CREB5: variants seen among roughly 807,000 people sequenced by gnomAD.
CREB5 encodes cAMP responsive element binding protein 5.
A neutral mutation model predicts 57.1 loss-of-function variants in CREB5; 19 were observed. The ratio of observed to expected loss-of-function variants is 0.33; its 90% confidence interval spans 0.23 to 0.49. The LOEUF (loss-of-function observed/expected upper bound fraction) is 0.49, where lower values mean the gene tolerates loss of function less well. CREB5 is among the 20% of genes least tolerant of loss of function. The pLI is 0.99. For missense variants in CREB5, 579 were observed against 671.6 expected (o/e 0.86, Z 1.52); for synonymous variants, 238 against 238.3 (o/e 1.00, Z 0.01).
rs376707345 is a variant in CREB5 at position 28,492,531 on chromosome 7, C to G, written c.76-2375C>G. Among the ~76,000 whole-genome samples the G allele has an allele frequency of 6.6e-5, 10 of 151,966 alleles. No homozygotes were observed. In the East Asian group the frequency reaches 7.7e-4, roughly 12 times the overall value. On this transcript the variant is annotated intron_variant, in intron 2 of 10. Transcript: ENST00000357727. ...ATGTTCCTGCTGAATTAAAAAAAAT[C>G]ACGATGTCCTTTATTGTCTCACTTG...
At chr7:28,699,488 A>G (rs1046502950) in intron 5 of CREB5, among the ~76,000 whole-genome samples, 3 of 152,206 alleles carry the variant, frequency 2.0e-5, no homozygotes, top group Admixed American at 1.3e-4. Flanking sequence ...AATTTGTTGC[A>G]AAAGCAGTAC....
intron 3 of CREB5, among the ~76,000 whole-genome samples, chr7:28,499,719 G>A (rs1281805344): frequency 6.6e-6 from 1 of 152,178 alleles, no homozygotes; most frequent in East Asian, 1.9e-4. Context: ...GACTAGCTGG[G>A]ATTACAGGCG....
chr7:28,818,061 T>A lies in CREB5; in HGVS notation c.1255-10T>A. ...CTTCTCAACATGGTTTTAATACATA[T>A]CTCTTTTAGAATGAAGTGTCTATGT... On this transcript the variant is annotated splice_polypyrimidine_tract_variant and intron_variant, in intron 9 of 10. Coordinates refer to ENST00000357727, the MANE Select transcript of CREB5 (RefSeq NM_182898.4). 1 of 1,608,554 alleles carries A rather than the reference T, an allele frequency of 6.2e-7. No homozygotes were observed. The highest frequency in any genetic ancestry group is 8.5e-7 in the Non-Finnish European group (1 of 1,175,960).
intron 1 of CREB5, among the ~76,000 whole-genome samples, chr7:28,437,895 A>G (rs1789023070): frequency 6.6e-6 from 1 of 152,164 alleles, no homozygotes; most frequent in African/African-American, 2.4e-5. Flanking sequence ...AACAGAAAAG[A>G]CGATGGAGAC....
chr7:28,814,672 C>CTT (rs775246065), intron 9 of CREB5, among the ~76,000 whole-genome samples: 2 of 152,020 alleles, frequency 1.3e-5, no homozygotes, highest in African/African-American at 4.8e-5. Flanking sequence ...AAAAAAAATT[C>CTT]TTTCTGGAAG....
At chr7:28,593,344 G>A (rs981346307) in intron 5 of CREB5, among the ~76,000 whole-genome samples, 1 of 152,182 alleles carries the variant, frequency 6.6e-6, no homozygotes, top group Non-Finnish European at 1.5e-5. Context: ...CACCTCCTGG[G>A]TTCAAGCGGT....
rs149876248 is a variant in CREB5, at chr7:28,435,290, C to T, written c.3+22373C>T. On this transcript the variant is annotated intron_variant, in intron 1 of 10. Transcript: ENST00000357727. The stretch of plus-strand genomic sequence containing the variant: ...TGGATCGTTAAAAGCCTTGTGTGGG[C>T]TTGTGAAAATTCAGTGTCATTTGGC... Among the ~76,000 whole-genome samples the T allele has an allele frequency of 3.3e-5, 5 of 151,296 alleles. No individual in the cohort carries two copies. The East Asian group carries it at 7.8e-4, about 24-fold the overall frequency.
chr7:28,334,830 G>A (rs763209508), intron 1 of CREB5, among the ~76,000 whole-genome samples: 32 of 152,272 alleles, frequency 2.1e-4, no homozygotes, highest in Non-Finnish European at 4.3e-4. Flanking sequence ...TAGTTTCATA[G>A]TTTGAGGTCT....
At chr7:28,455,477 C>T (rs754612705) in intron 1 of CREB5, among the ~76,000 whole-genome samples, 3 of 152,260 alleles carry the variant, frequency 2.0e-5, no homozygotes, top group Admixed American at 6.5e-5. Context: ...AAGAAAATAG[C>T]GACTAGCTAT....
chr7:28,602,732 C>A (rs936703417), intron 5 of CREB5, among the ~76,000 whole-genome samples: 1 of 152,144 alleles, frequency 6.6e-6, no homozygotes, highest in Non-Finnish European at 1.5e-5. Context: ...GGAGTTGAAT[C>A]TATGGGGTAT....
chr7:28,415,988 C>G (rs929708979), intron 1 of CREB5, among the ~76,000 whole-genome samples: 1 of 152,074 alleles, frequency 6.6e-6, no homozygotes, highest in Non-Finnish European at 1.5e-5. Context: ...ACTGGCAAAA[C>G]TTGACCAATC....
chr7:28,781,947 T>C (rs575037278), intron 7 of CREB5, among the ~76,000 whole-genome samples: 10 of 151,946 alleles, frequency 6.6e-5, no homozygotes, highest in Non-Finnish European at 1.2e-4. Flanking sequence ...TTTTTTTTTT[T>C]TGAGACAGGA....
intron 5 of CREB5, among the ~76,000 whole-genome samples, chr7:28,619,196 A>G (rs1329573653): frequency 3.3e-5 from 5 of 152,244 alleles, no homozygotes; most frequent in African/African-American, 1.2e-4. Context: ...TGGAGAAGTT[A>G]TGAACTTGCT....
chr7:28,700,721 A>G (rs1801811460), intron 5 of CREB5, among the ~76,000 whole-genome samples: 1 of 151,962 alleles, frequency 6.6e-6, no homozygotes, highest in Admixed American at 6.6e-5. Flanking sequence ...CTCTCCTGTA[A>G]CCTGTGTTTA....
intron 9 of CREB5, among the ~76,000 whole-genome samples, chr7:28,816,055 GCACACACA>G (rs34917973): frequency 9.6e-5 from 14 of 145,256 alleles, no homozygotes; most frequent in Admixed American, 3.5e-4. Flanking sequence ...AAATATATAC[GCACACACA>G]CACACACACA....
At chr7:28,430,624 G>A (rs993453445) in intron 1 of CREB5, among the ~76,000 whole-genome samples, 12 of 145,792 alleles carry the variant, frequency 8.2e-5, no homozygotes, top group Admixed American at 1.4e-4. Context: ...TGCAATCTAA[G>A]GTTTTACCCT....
At chr7:28,658,296 AC>A (rs1428643083) in intron 5 of CREB5, among the ~76,000 whole-genome samples, 1 of 152,154 alleles carries the variant, frequency 6.6e-6, no homozygotes, top group African/African-American at 2.4e-5. Flanking sequence ...TTTATGACCT[AC>A]CCTGTGATTG....
intron 5 of CREB5, among the ~76,000 whole-genome samples, chr7:28,701,435 CTG>C (rs1409768268): frequency 6.6e-6 from 1 of 152,208 alleles, no homozygotes; most frequent in African/African-American, 2.4e-5. Context: ...AAAGTACAAA[CTG>C]TGACTTGCTT....
At chr7:28,578,055 T>C (rs1433678164) in intron 5 of CREB5, among the ~76,000 whole-genome samples, 1 of 152,226 alleles carries the variant, frequency 6.6e-6, no homozygotes, top group Non-Finnish European at 1.5e-5. Context: ...TCCACTGTCT[T>C]GTATTCTAGA....
Sources: gnomAD v4.1 joint callset for allele counts (sites outside exome capture counted in the v4.1 genomes callset) on GRCh38, gnomAD v4.1.1 for gene constraint, MANE v1.5 for transcripts, NCBI Gene and HGNC (gene_info 2026-07-23, HGNC 2026-07-21) for gene names.